Variants in TMPRSS6 observed in about 807,000 individuals in gnomAD.
TMPRSS6 encodes transmembrane protease serine 6.
In TMPRSS6, 67 loss-of-function variants were observed where a neutral mutation model predicts 101.5. The ratio of observed to expected loss-of-function variants is 0.66; its 90% CI spans 0.54 to 0.81. TMPRSS6 has a LOEUF of 0.81. Ranked by LOEUF, TMPRSS6 falls within the 30% of genes least tolerant of loss-of-function variation. The pLI is 0.00. For missense variants in TMPRSS6, 1,034 were observed against 1,088.7 expected, an observed-to-expected ratio of 0.95 and a Z score of 0.71; for synonymous variants, 453 against 464.9, an observed-to-expected ratio of 0.97 and a Z score of 0.33.
At chr22:37,076,757 A>G (rs562054253) in intron 10 of TMPRSS6, among the ~76,000 whole-genome samples, 24 of 152,274 alleles carry the variant, frequency 1.6e-4, no homozygotes, top group South Asian at 4.1e-4. Context: ...CAGCTCATAG[A>G]AATGCCCTCC....
chr22:37,095,455 A>G, intron 6 of TMPRSS6, 96 bp downstream of exon 6: 1 of 1,505,068 alleles, frequency 6.6e-7, no homozygotes, highest in South Asian at 1.2e-5. Flanking sequence ...CTCCCTGCAC[A>G]CACAACAGAA....
chr22:37,098,457 A>T lies in TMPRSS6; in HGVS notation c.295T>A (p.Ser99Thr), dbSNP rs564105056. The T allele has an allele frequency of 1.2e-5, 20 of 1,613,778 alleles. 1 individual carries two copies. In the South Asian group the frequency reaches 2.2e-4, roughly 18 times the overall value. ...GCGGTTTCACTGCGGAAGGCACTAG[A>T]TTCCCGGCGGGTAAGATCCTGGGAG... ...HFSQDLTRRE[S>T]SAFRSETAKA... The change falls in exon 3 of 18, where the codon TCT becomes ACT. Residue 99 changes from serine to threonine, a missense_variant. Ser to Thr is a moderately conservative substitution (Grantham distance 58). Coordinates refer to ENST00000676104, the MANE Select transcript of TMPRSS6 (RefSeq NM_001374504.1).
At chr22:37,095,629 CAAAAAAAA>C (rs548945502) in intron 5 of TMPRSS6, 37 bp from the exon 6 acceptor site, 1 of 857,762 alleles carries the variant, frequency 1.2e-6, no homozygotes, top group Non-Finnish European at 1.6e-6. Flanking sequence ...TAAACAAGAA[CAAAAAAAA>C]AAAAAAAGAA....
intron 5 of TMPRSS6, 135 bp downstream of exon 5, chr22:37,095,771 T>C: frequency 7.8e-7 from 1 of 1,285,388 alleles, no homozygotes; most frequent in South Asian, 1.2e-5. Flanking sequence ...CACTGCTACC[T>C]CACCTGGGGG....
At position 37,069,043 on chromosome 22, in the gene TMPRSS6, C is replaced by G; in HGVS notation, c.2113+30G>C. Reference sequence around the variant, plus strand: ...GGCGCAGATCCGCACGGTCTCCCTCCGCCTCCCGCCGCAAGTCCCCGCTGC... The same window carrying G: ...GGCGCAGATCCGCACGGTCTCCCTCGGCCTCCCGCCGCAAGTCCCCGCTGC... On this transcript the variant is annotated intron_variant, in intron 16 of 17. Coordinates refer to ENST00000676104, the MANE Select transcript of TMPRSS6 (RefSeq NM_001374504.1). The surrounding 1 kb of genome is among the most constrained non-coding windows in gnomAD (Gnocchi z 4.8). The G allele has an allele frequency of 6.5e-7, 1 of 1,534,216 alleles. No individual in the cohort carries two copies. Among genetic ancestry groups the G allele is most frequent in the Non-Finnish European group, 8.7e-7 (1 of 1,146,464 alleles).
intron 9 of TMPRSS6, 52 bp downstream of exon 9, chr22:37,084,675 C>T: frequency 6.9e-7 from 1 of 1,446,858 alleles, no homozygotes; most frequent in Non-Finnish European, 9.5e-7. Context: ...CACCAGGGAC[C>T]TGTAGTGTGC....
At position 37,069,508 on chromosome 22, in the gene TMPRSS6, C is replaced by G. The variant is rs1926692022; in HGVS notation, c.1842-164G>C. Reference sequence around the variant, plus strand: ...GAAGGTCGCCTAGCTGGTGGTACAGCGTTCAGCCTTCACCCACTCGGCCTG... The same window carrying G: ...GAAGGTCGCCTAGCTGGTGGTACAGGGTTCAGCCTTCACCCACTCGGCCTG... On this transcript the variant is annotated intron_variant, in intron 15 of 17. Transcript: ENST00000676104. This position sits in a 1 kb window ranked among gnomAD's most constrained non-coding sequence, Gnocchi z 4.8. Among the ~76,000 whole-genome samples the G allele has an allele frequency of 1.3e-5, 2 of 152,156 alleles. No individual in the cohort carries two copies.
chr22:37,098,554 C>T lies in TMPRSS6; in HGVS notation c.203-5G>A, dbSNP rs762035741. Reference sequence around the variant, plus strand: ...CCATCACCTCCGCCTTGTACCCTGCCCAGGAAGGAACCAGCAGGGTTAGTG... The same window carrying T: ...CCATCACCTCCGCCTTGTACCCTGCTCAGGAAGGAACCAGCAGGGTTAGTG... On this transcript the variant is annotated splice_polypyrimidine_tract_variant and splice_region_variant and intron_variant, in intron 2 of 17. Coordinates refer to ENST00000676104, the MANE Select transcript of TMPRSS6 (RefSeq NM_001374504.1). 2 of 1,614,116 alleles carry T rather than the reference C, an allele frequency of 1.2e-6. No homozygotes were observed. The highest frequency in any genetic ancestry group is 1.1e-5 in the South Asian group (1 of 91,078).
At chr22:37,070,062 A>G (rs1926742920) in intron 15 of TMPRSS6, among the ~76,000 whole-genome samples, 2 of 152,020 alleles carry the variant, frequency 1.3e-5, no homozygotes, top group South Asian at 4.2e-4. Flanking sequence ...ATGAGGCCTG[A>G]TGAGATGTCC....
chr22:37,070,081 C>T (rs547764342), intron 15 of TMPRSS6, among the ~76,000 whole-genome samples: 1 of 152,096 alleles, frequency 6.6e-6, no homozygotes, highest in South Asian at 2.1e-4. Flanking sequence ...CCCCTGGGGG[C>T]TCCCCAGCCC....
At chr22:37,079,415 C>CATGG (rs10537993) in intron 10 of TMPRSS6, among the ~76,000 whole-genome samples, 2,147 of 151,192 alleles carry the variant, frequency 0.014, 48 homozygotes, top group African/African-American at 0.049. Context: ...GGGATAGATG[C>CATGG]ATGGATGGAT....
In TMPRSS6 at chr22:37,086,357, G is replaced by A. The variant is rs1270960721; in HGVS notation, c.899C>T (p.Ala300Val). 7.4e-6 allele frequency: 12 copies of A among 1,612,794 alleles called. No individual in the cohort carries two copies. Among genetic ancestry groups the A allele is most frequent in the African/African-American group, 2.7e-5 (2 of 74,844 alleles). ...VEVLASGAIM[A>V]VVWKKGLHSY... ...GTGCAGGCCCTTCTTCCAGACGACC[G>A]CCATGATGGCCCCCGACGCCAGAAC... is the stretch of plus-strand genomic sequence containing the variant. Residue 300 changes from alanine to valine, a missense_variant, in exon 8 of 18, where the codon GCG (alanine) becomes GTG (valine). Physicochemically the swap from Ala to Val is moderately conservative, Grantham distance 64. Transcript: ENST00000676104.
intron 6 of TMPRSS6, among the ~76,000 whole-genome samples, chr22:37,090,717 T>C (rs1929186620): frequency 6.6e-6 from 1 of 152,170 alleles, no homozygotes; most frequent in Admixed American, 6.5e-5. Context: ...CTTGCTTTCC[T>C]CATCTATAGA....
intron 7 of TMPRSS6, among the ~76,000 whole-genome samples, chr22:37,088,003 G>T (rs1461495577): frequency 6.6e-6 from 1 of 152,040 alleles, no homozygotes; most frequent in Non-Finnish European, 1.5e-5. Flanking sequence ...AATGTTGTCT[G>T]ACCTGTCATT....
At chr22:37,077,971 C>T (rs555505386) in intron 10 of TMPRSS6, among the ~76,000 whole-genome samples, 5 of 152,326 alleles carry the variant, frequency 3.3e-5, no homozygotes, top group South Asian at 2.1e-4. Context: ...GACGAGGCAC[C>T]GCCAGGGGGC....
At chr22:37,104,588 C>G (rs1930595342) in intron 1 of TMPRSS6, among the ~76,000 whole-genome samples, 1 of 152,210 alleles carries the variant, frequency 6.6e-6, no homozygotes, top group African/African-American at 2.4e-5. Context: ...TTTGACCCAC[C>G]CACCGGGAGA....
At chr22:37,070,031 A>G (rs1926740508) in intron 15 of TMPRSS6, among the ~76,000 whole-genome samples, 1 of 152,154 alleles carries the variant, frequency 6.6e-6, no homozygotes, top group East Asian at 1.9e-4. Flanking sequence ...TCAGCCCACC[A>G]AGCAGATGGG....
intron 10 of TMPRSS6, chr22:37,084,078 G>T (rs538609868): frequency 1.6e-6 from 1 of 614,118 alleles, no homozygotes; most frequent in Admixed American, 2.9e-5. Context: ...TGAGACCTCT[G>T]GGGTAGCCAG....
intron 5 of TMPRSS6, 37 bp from the exon 6 acceptor site, chr22:37,095,629 CAAA>C (rs548945502): frequency 2.0e-3 from 2,362 of 1,163,832 alleles, no homozygotes; most frequent in South Asian, 3.8e-3. Context: ...TAAACAAGAA[CAAA>C]AAAAAAAAAA....
Sources: allele counts gnomAD v4.1 joint callset (sites outside exome capture counted in the v4.1 genomes callset), GRCh38; gene constraint gnomAD v4.1.1; non-coding constraint Gnocchi (gnomAD v3.1); transcripts MANE v1.5; gene names NCBI Gene and HGNC (gene_info 2026-07-23, HGNC 2026-07-21).